The following SIPA1L3 variants were observed in gnomAD, a reference collection of about 807,000 sequenced individuals.
SIPA1L3 encodes signal induced proliferation associated 1 like 3, also known as signal-induced proliferation-associated 1-like protein 3.
Under a neutral mutation model 150.1 loss-of-function variants are expected in SIPA1L3, and 59 were observed. The observed-to-expected ratio is 0.39, with a 90% CI of 0.32 to 0.49. The LOEUF (loss-of-function observed/expected upper bound fraction) is 0.49. Among genes scored for constraint, SIPA1L3 ranks in the 20% least tolerant of loss-of-function variants. The pLI is 0.86. For missense variants in SIPA1L3, 2,211 were observed against 2,489.5 expected, an observed-to-expected ratio of 0.89 and a Z score of 2.38; for synonymous variants, 1,070 against 1,077.6, an observed-to-expected ratio of 0.99 and a Z score of 0.14.
At chr19:38,040,124 AG>A (rs1355983591) in intron 2 of SIPA1L3, among the ~76,000 whole-genome samples, 1 of 152,198 alleles carries the variant, frequency 6.6e-6, no homozygotes, top group East Asian at 1.9e-4. Context: ...AGGAAAAAAG[AG>A]AAAATTGGAC....
At chr19:38,155,628 G>A (rs1971929024) in intron 13 of SIPA1L3, among the ~76,000 whole-genome samples, 1 of 152,192 alleles carries the variant, frequency 6.6e-6, no homozygotes, top group Admixed American at 6.6e-5. Context: ...ACGTCAGAGT[G>A]GGAGGGGTGG....
At position 38,124,665 on chromosome 19, in the gene SIPA1L3, G is replaced by C. The variant is rs939400330; in HGVS notation, c.2868+4783G>C. Among the ~76,000 whole-genome samples, 123 of 152,350 alleles carry C rather than the reference G, an allele frequency of 8.1e-4. 3 individuals are homozygous for C. In the East Asian group the frequency reaches 0.018, roughly 22 times the overall value. On this transcript the variant is annotated intron_variant, in intron 9 of 21. Coordinates refer to ENST00000222345, the MANE Select transcript of SIPA1L3 (RefSeq NM_015073.3). ...CCAAGGCAGGCGGCTGGGAGGTGGA[G>C]GTTGTAGCAAGCCGAGATCACGCCA... is the stretch of plus-strand genomic sequence containing the variant.
At chr19:37,994,558 G>A (rs1168716242) in intron 1 of SIPA1L3, among the ~76,000 whole-genome samples, 2 of 152,142 alleles carry the variant, frequency 1.3e-5, no homozygotes, top group East Asian at 1.9e-4. Flanking sequence ...TGGAGCAGCC[G>A]CCCTGGCTGC....
chr19:37,912,733 A>C (rs1033907136), intron 1 of SIPA1L3, among the ~76,000 whole-genome samples: 1 of 152,180 alleles, frequency 6.6e-6, no homozygotes, highest in African/African-American at 2.4e-5. Context: ...CTGGCCTCAA[A>C]TGATCCTCCC....
At chr19:38,036,611 T>C (rs1320473766) in intron 2 of SIPA1L3, among the ~76,000 whole-genome samples, 1 of 152,178 alleles carries the variant, frequency 6.6e-6, no homozygotes, top group Non-Finnish European at 1.5e-5. Flanking sequence ...CACCTTCCGG[T>C]CGGTGATCAC....
chr19:38,082,419 A>G lies in SIPA1L3; in HGVS notation c.854A>G (p.Lys285Arg), dbSNP rs1369617986. 1 of 1,597,314 alleles carries G rather than the reference A, an allele frequency of 6.3e-7. No homozygotes were observed. Among genetic ancestry groups the G allele is most frequent in the Non-Finnish European group, 8.5e-7 (1 of 1,175,666 alleles). Residue 285 changes from lysine (K) to arginine (R), a missense_variant, in exon 3 of 22, where the codon AAG becomes AGG. Coordinates refer to ENST00000222345, the MANE Select transcript of SIPA1L3 (RefSeq NM_015073.3). ...ACGAAGGAGAAGGAGAAGGCCCGGA[A>G]GAAACCTGCGCGGGGCCTCGGCGGC... The part of the protein sequence containing the change: ...QPTKEKEKAR[K>R]KPARGLGGGD...
chr19:37,916,607 A>G (rs2046416969), intron 1 of SIPA1L3, among the ~76,000 whole-genome samples: 1 of 151,922 alleles, frequency 6.6e-6, no homozygotes, highest in Non-Finnish European at 1.5e-5. Flanking sequence ...TGACACTGAC[A>G]GTATAAAGTT....
intron 4 of SIPA1L3, among the ~76,000 whole-genome samples, chr19:38,089,357 A>T (rs999127572): frequency 6.6e-6 from 1 of 151,996 alleles, no homozygotes; most frequent in African/African-American, 2.4e-5. Flanking sequence ...AGAAAAAAAA[A>T]ATTAAATGAT....
intron 12 of SIPA1L3, among the ~76,000 whole-genome samples, chr19:38,148,914 A>G (rs999415534): frequency 7.2e-5 from 11 of 152,348 alleles, no homozygotes; most frequent in African/African-American, 2.2e-4. Flanking sequence ...AAAGACAGCA[A>G]TTTGATCTTC....
At chr19:38,002,989 C>CA (rs1289500507) in intron 1 of SIPA1L3, among the ~76,000 whole-genome samples, 1 of 151,534 alleles carries the variant, frequency 6.6e-6, no homozygotes, top group African/African-American at 2.4e-5. Context: ...ACTAAAAATA[C>CA]AAAAAAATTA....
rs368764092 is a variant in SIPA1L3, at chr19:38,000,949, ACAC to A, written c.-378-28139_-378-28137del. Among the ~76,000 whole-genome samples, 225 of 61,684 alleles carry A rather than the reference ACAC, an allele frequency of 3.6e-3. 2 individuals are homozygous for A. Among genetic ancestry groups the A allele is most frequent in the Middle Eastern group, 0.036 (4 of 110 alleles). 40.5% of individuals were successfully genotyped at this position (61,684 alleles called of 152,430 possible). On this transcript the variant is annotated intron_variant, in intron 1 of 21. Transcript: ENST00000222345. ...ATATATATAACATATATAACATATA[ACAC>A]ACATATAACACATATATAACATATA...
chr19:38,151,167 C>A (rs1186186054), intron 12 of SIPA1L3, among the ~76,000 whole-genome samples: 1 of 152,214 alleles, frequency 6.6e-6, no homozygotes, highest in Non-Finnish European at 1.5e-5. Context: ...GAGAGGCCAT[C>A]TTTTCTTGTC....
At chr19:38,155,528 G>A (rs1356854354) in intron 13 of SIPA1L3, among the ~76,000 whole-genome samples, 2 of 152,184 alleles carry the variant, frequency 1.3e-5, no homozygotes, top group African/African-American at 2.4e-5. Flanking sequence ...GAACAAACTT[G>A]TAGCCCCTTT....
chr19:38,149,384 C>CA (rs1214069621), intron 12 of SIPA1L3, among the ~76,000 whole-genome samples: 5 of 151,098 alleles, frequency 3.3e-5, no homozygotes, highest in African/African-American at 9.7e-5. Flanking sequence ...GACTCCGTCT[C>CA]AAAAAAACAA....
intron 10 of SIPA1L3, among the ~76,000 whole-genome samples, chr19:38,137,233 G>A (rs1236201164): frequency 1.3e-5 from 2 of 152,098 alleles, no homozygotes; most frequent in Non-Finnish European, 2.9e-5. Context: ...CTGTTGCCCA[G>A]GCTGGAGTGC....
rs569703133 is a variant in SIPA1L3, at chr19:38,206,594, T to C, written c.*354T>C. The C allele has an allele frequency of 5.1e-6, 1 of 195,346 alleles. No homozygotes were observed. Among genetic ancestry groups the C allele is most frequent in the East Asian group, 1.2e-4 (1 of 8,240 alleles). The allele number at this position is 195,346 out of a possible 1,614,324, so 12.1% of individuals were successfully genotyped here. On this transcript the variant is annotated 3_prime_UTR_variant, in exon 22 of 22. Transcript: ENST00000222345. ...ATGGGGACGGAGAGAGGAGCCAGTCTCCAGACGCCTCGGCTCCAGGAGGTC... is the reference window on the plus strand; with the variant it reads ...ATGGGGACGGAGAGAGGAGCCAGTCCCCAGACGCCTCGGCTCCAGGAGGTC...
At chr19:38,041,273 ATTTTT>A (rs35807588) in intron 2 of SIPA1L3, among the ~76,000 whole-genome samples, 3 of 72,518 alleles carry the variant, frequency 4.1e-5, no homozygotes, top group African/African-American at 1.8e-4. Flanking sequence ...CGCTCAGCTA[ATTTTT>A]TTTTTTTTTT....
intron 21 of SIPA1L3, among the ~76,000 whole-genome samples, chr19:38,205,653 GT>G (rs1973193828): frequency 6.6e-6 from 1 of 152,090 alleles, no homozygotes; most frequent in Non-Finnish European, 1.5e-5. Context: ...CGGGGGCTAC[GT>G]CCTCCTGGAA....
chr19:37,907,822 T>G (rs1240751316), intron 1 of SIPA1L3: 1 of 152,220 alleles, frequency 6.6e-6, no homozygotes, highest in East Asian at 1.9e-4. Context: ...GAGGATTAGT[T>G]GAGCGTGTGC....
Sources: gnomAD v4.1 joint callset for allele counts (sites outside exome capture counted in the v4.1 genomes callset) on GRCh38, gnomAD v4.1.1 for gene constraint, MANE v1.5 for transcripts, NCBI Gene and HGNC (gene_info 2026-07-23, HGNC 2026-07-21) for gene names.